FAXDC2: variants seen among roughly 807,000 people sequenced by gnomAD.
The protein encoded by FAXDC2 is fatty acid hydroxylase domain-containing protein 2.
Under a neutral mutation model 40.9 loss-of-function variants are expected in FAXDC2, and 41 were observed. That is an observed-to-expected ratio of 1.00 (90% confidence interval 0.78 to 1.30). The LOEUF (loss-of-function observed/expected upper bound fraction) is 1.30. FAXDC2 is among the 50% of genes most tolerant of loss of function. The pLI is 0.00. For missense variants in FAXDC2, 390 were observed against 408.8 expected (o/e 0.95, Z 0.40); for synonymous variants, 157 against 149.3 (o/e 1.05, Z -0.38).
At position 154,824,090 on chromosome 5, in the gene FAXDC2, C is replaced by T. The variant is rs186348751; in HGVS notation, c.367-498G>A. On this transcript the variant is annotated intron_variant, in intron 5 of 8. Coordinates refer to ENST00000326080, the MANE Select transcript of FAXDC2 (RefSeq NM_032385.5). ...CTGCAGTAGGCCCAGAGCAAAGAAG[C>T]AGGTAAGCCAAGGAACTGCTTATCC... 463 of 235,198 alleles carry T rather than the reference C, an allele frequency of 2.0e-3. 8 individuals carry two copies. The East Asian group carries it at 0.023, about 12-fold the overall frequency. The allele number at this position is 235,198 out of a possible 1,614,324, so 14.6% of individuals were successfully genotyped here. A position where few individuals can be genotyped will look rare whatever the true frequency, so the allele number is the denominator to read the frequency against.
chr5:154,825,649 T>TTAAAAAAAAAAAAAAAAAA (rs1760010015), intron 5 of FAXDC2, among the ~76,000 whole-genome samples: 1 of 2,638 alleles, frequency 3.8e-4, no homozygotes, highest in Non-Finnish European at 1.8e-3. Context: ...AGACTCCGTC[T>TTAAAAAAAAAAAAAAAAAA]CAAAAAAAAA....
intron 1 of FAXDC2, among the ~76,000 whole-genome samples, chr5:154,841,434 C>T (rs1011013554): frequency 6.6e-6 from 1 of 152,150 alleles, no homozygotes; most frequent in African/African-American, 2.4e-5. Flanking sequence ...TAGTCATATT[C>T]TGCAGCACCT....
intron 8 of FAXDC2, 181 bp from the exon 9 acceptor site, chr5:154,820,653 T>C (rs1212575805): frequency 5.9e-6 from 3 of 511,072 alleles, no homozygotes; most frequent in African/African-American, 2.0e-5. Flanking sequence ...CGGGGGCCAC[T>C]CCAAACCTGC....
Position 154,846,723 on chromosome 5 carries a change from C to G in FAXDC2, c.-1+3760G>C, listed in dbSNP as rs141615588. On this transcript the variant is annotated intron_variant, in intron 1 of 8. Transcript: ENST00000326080. ...TTTTACAACAATGAATGGATACTTC[C>G]TTAAAGTGAATTTGATATTCTATTG... Among the ~76,000 whole-genome samples the G allele has an allele frequency of 4.7e-3, 715 of 151,812 alleles. 6 individuals carry two copies. The highest frequency in any genetic ancestry group is 0.017 in the African/African-American group (683 of 41,362).
intron 4 of FAXDC2, among the ~76,000 whole-genome samples, chr5:154,832,696 T>C (rs1561656164): frequency 6.6e-6 from 1 of 152,146 alleles, no homozygotes; most frequent in African/African-American, 2.4e-5. Context: ...TGGAAATATT[T>C]TCTCTCTCTC....
At chr5:154,820,848 T>C (rs1054023769) in intron 8 of FAXDC2, 12 of 244,400 alleles carry the variant, frequency 4.9e-5, no homozygotes, top group Non-Finnish European at 1.0e-4. Context: ...GTTCAGCATA[T>C]TTGGAGTGGA....
intron 1 of FAXDC2, among the ~76,000 whole-genome samples, chr5:154,842,190 T>G (rs1318340398): frequency 6.6e-6 from 1 of 151,702 alleles, no homozygotes; most frequent in Non-Finnish European, 1.5e-5. Context: ...TTTGTGTGTT[T>G]TTTGTTTTGT....
chr5:154,835,207 T>C, intron 2 of FAXDC2: 1 of 379,100 alleles, frequency 2.6e-6, no homozygotes, highest in Non-Finnish European at 4.9e-6. Flanking sequence ...AGCAGGCAAT[T>C]CTGTCAGTCA....
intron 5 of FAXDC2, among the ~76,000 whole-genome samples, chr5:154,825,650 C>CAAAGAAAAAAAAAAAAAAAAAAAAAA (rs1760010652): frequency 3.3e-5 from 1 of 30,150 alleles, no homozygotes; most frequent in Non-Finnish European, 5.8e-5. Context: ...GACTCCGTCT[C>CAAAGAAAAAAAAAAAAAAAAAAAAAA]AAAAAAAAAA....
In FAXDC2 at chr5:154,830,858, T is replaced by C. The variant is rs771905140; in HGVS notation, c.309A>G (p.Thr103=). ...GAGAGATGAAGTTAGGTTTTCCTGT[T>C]GTGTCAACCACCAATAGAAGCCCAT... ...SFNGLLLVVD[T]TGKPNFISRY... Residue 103 remains threonine (T), a synonymous_variant, in exon 5 of 9, where the codon ACA becomes ACG. Coordinates refer to ENST00000326080, the MANE Select transcript of FAXDC2 (RefSeq NM_032385.5). 1 of 1,614,084 alleles carries C rather than the reference T, an allele frequency of 6.2e-7. No individual in the cohort carries two copies. Among genetic ancestry groups the C allele is most frequent in the Non-Finnish European group, 8.5e-7 (1 of 1,180,028 alleles).
rs1759854636 is a variant in FAXDC2, at chr5:154,820,427, A to G, written c.891T>C (p.His297=). The G allele has an allele frequency of 6.2e-7, 1 of 1,613,152 alleles. No individual in the cohort carries two copies. Among genetic ancestry groups the G allele is most frequent in the Non-Finnish European group, 8.5e-7 (1 of 1,179,854 alleles). ...TCTGCTTGAACATGGTGTCAGTCCCATGGAGGTGGTCCAGCACACCCAGCA... is the reference window on the plus strand; with the variant it reads ...TCTGCTTGAACATGGTGTCAGTCCCGTGGAGGTGGTCCAGCACACCCAGCA... ...YGVLGVLDHL[H]GTDTMFKQTK... is the part of the protein sequence containing the mutation. Residue 297 remains histidine, a synonymous_variant, in exon 9 of 9, where the codon CAT becomes CAC. Transcript: ENST00000326080.
rs370794181 is a variant in FAXDC2 at position 154,820,184 on chromosome 5, G to A, written c.*132C>T. The A allele has an allele frequency of 1.7e-5, 12 of 718,654 alleles. No individual in the cohort carries two copies. The highest frequency in any genetic ancestry group is 2.4e-4 in the Middle Eastern group (1 of 4,124). 44.5% of individuals were successfully genotyped at this position (718,654 alleles called of 1,614,324 possible). The stretch of plus-strand genomic sequence containing the variant: ...CTTGGCCCTGCTTTTCCGGGAAGCC[G>A]ACCTTCCCTCTACCCTGGTGGTGCC... On this transcript the variant is annotated 3_prime_UTR_variant, in exon 9 of 9. Transcript: ENST00000326080.
intron 4 of FAXDC2, 142 bp downstream of exon 4, chr5:154,834,483 G>GT: frequency 1.6e-6 from 1 of 636,846 alleles, no homozygotes; most frequent in Non-Finnish European, 2.7e-6. Context: ...TATTCTTTGG[G>GT]ACTACCACTT....
chr5:154,833,882 TTGGTCTCA>T (rs1276124739), intron 4 of FAXDC2, among the ~76,000 whole-genome samples: 1 of 150,476 alleles, frequency 6.6e-6, no homozygotes, highest in Non-Finnish European at 1.5e-5. Flanking sequence ...GTTGGCCAGG[TTGGTCTCA>T]AACTCCTGAC....
At position 154,847,471 on chromosome 5, in the gene FAXDC2, TTTTC is replaced by T. The variant is rs771142118; in HGVS notation, c.-1+3008_-1+3011del. Among the ~76,000 whole-genome samples the T allele has an allele frequency of 1.9e-3, 283 of 151,492 alleles. 1 individual carries two copies. The highest frequency in any genetic ancestry group is 6.8e-3 in the Middle Eastern group (2 of 292). ...CAGCCCAACTCTTTCAGATTTTCTT[TTTTC>T]TTTCTTTCTTTCTTTTTTTTTTTTT... On this transcript the variant is annotated intron_variant, in intron 1 of 8. Transcript: ENST00000326080.
intron 8 of FAXDC2, chr5:154,820,772 A>G (rs976202952): frequency 3.0e-4 from 90 of 296,644 alleles, no homozygotes; most frequent in African/African-American, 1.9e-3. Context: ...GATCACCAGC[A>G]TCAGAATCCC....
intron 5 of FAXDC2, among the ~76,000 whole-genome samples, chr5:154,828,383 G>A (rs1208238057): frequency 1.3e-5 from 2 of 152,006 alleles, no homozygotes; most frequent in Non-Finnish European, 2.9e-5. Flanking sequence ...ATGAGAGAAA[G>A]AGAAGGAAAA....
intron 2 of FAXDC2, among the ~76,000 whole-genome samples, chr5:154,835,927 T>C (rs1760335962): frequency 8.3e-6 from 1 of 121,142 alleles, no homozygotes; most frequent in Non-Finnish European, 1.6e-5. Flanking sequence ...GCAGTGTTGC[T>C]CTGTCACCCA....
chr5:154,835,297 T>C (rs771363234), intron 2 of FAXDC2: 24 of 193,868 alleles, frequency 1.2e-4, no homozygotes, highest in Non-Finnish European at 2.4e-4. Flanking sequence ...TATCTACACA[T>C]TGAAATCACC....
Sources: allele counts gnomAD v4.1 joint callset (sites outside exome capture counted in the v4.1 genomes callset), GRCh38; gene constraint gnomAD v4.1.1; transcripts MANE v1.5; gene names NCBI Gene and HGNC (gene_info 2026-07-23, HGNC 2026-07-21).